Variants in ZCWPW1 observed in about 807,000 individuals in gnomAD.
ZCWPW1 encodes zinc finger CW-type and PWWP domain containing 1.
In ZCWPW1, 56 loss-of-function variants were observed where a neutral mutation model predicts 81.3. The ratio of observed to expected loss-of-function variants is 0.69; its 90% confidence interval spans 0.56 to 0.86. The LOEUF is 0.86. ZCWPW1 is among the 40% of genes least tolerant of loss of function. The pLI, the probability that ZCWPW1 is intolerant of heterozygous loss-of-function variation, is 0.00. For synonymous variants in ZCWPW1, 250 were observed against 273.7 expected (o/e 0.91, Z 0.86); for missense variants, 650 against 769.8 (o/e 0.84, Z 1.84).
intron 12 of ZCWPW1, 81 bp downstream of exon 12, chr7:100,406,612 CT>C: frequency 7.6e-7 from 1 of 1,323,914 alleles, no homozygotes; most frequent in Non-Finnish European, 1.1e-6. Flanking sequence ...CCCGACATGG[CT>C]TACCCTGGGA....
chr7:100,406,543 G>T (rs1280972080), intron 12 of ZCWPW1, 151 bp downstream of exon 12: 8 of 698,882 alleles, frequency 1.1e-5, no homozygotes, highest in Non-Finnish European at 1.9e-5. Context: ...CTGGGAGCAA[G>T]AAGAGTCCTT....
intron 8 of ZCWPW1, among the ~76,000 whole-genome samples, chr7:100,410,269 C>T (rs1311516176): frequency 6.6e-6 from 1 of 152,136 alleles, no homozygotes; most frequent in Non-Finnish European, 1.5e-5. Flanking sequence ...CAACAAAAGT[C>T]CACATATCCT....
At chr7:100,427,380 C>A (rs372884994) in intron 1 of ZCWPW1, among the ~76,000 whole-genome samples, 1 of 149,658 alleles carries the variant, frequency 6.7e-6, no homozygotes. Flanking sequence ...CTGGCCAATA[C>A]GGTGAAACCC....
intron 9 of ZCWPW1, among the ~76,000 whole-genome samples, 196 bp from the exon 10 acceptor site, chr7:100,408,855 G>A (rs949473686): frequency 6.7e-6 from 1 of 149,482 alleles, no homozygotes; most frequent in East Asian, 1.9e-4. Flanking sequence ...AAATGCAGCT[G>A]GAACCAGCTG....
intron 5 of ZCWPW1, 132 bp from the exon 6 acceptor site, chr7:100,417,315 A>G (rs963014140): frequency 9.9e-6 from 6 of 605,086 alleles, no homozygotes; most frequent in Non-Finnish European, 1.7e-5. Context: ...ACAGAACTTT[A>G]AATATTTAAA....
chr7:100,400,993 G>A lies in ZCWPW1; in HGVS notation c.*21C>T. 6.3e-7 allele frequency: 1 copy of A among 1,577,188 alleles called. No homozygotes were observed. Among genetic ancestry groups the A allele is most frequent in the Non-Finnish European group, 8.6e-7 (1 of 1,160,724 alleles). Reference sequence around the variant, plus strand: ...CTGCGCCCCAGAGAAGGGAGAAAAAGAGGGAGCAGAGGAGCACCAGCTACT... The same window carrying A: ...CTGCGCCCCAGAGAAGGGAGAAAAAAAGGGAGCAGAGGAGCACCAGCTACT... On this transcript the variant is annotated 3_prime_UTR_variant, in exon 18 of 18. Transcript: ENST00000684423.
chr7:100,426,245 G>A (rs1413052083), intron 1 of ZCWPW1, among the ~76,000 whole-genome samples: 2 of 152,186 alleles, frequency 1.3e-5, no homozygotes, highest in Admixed American at 6.5e-5. Flanking sequence ...TGTAATTCCA[G>A]CACTTTGGGA....
chr7:100,416,986 G>C (rs1340046949), intron 6 of ZCWPW1, 80 bp downstream of exon 6: 17 of 952,910 alleles, frequency 1.8e-5, no homozygotes, highest in Non-Finnish European at 2.8e-5. Flanking sequence ...TGACCAGATA[G>C]ACAGACAGAT....
chr7:100,414,982 G>A (rs969717085), intron 8 of ZCWPW1, among the ~76,000 whole-genome samples: 3 of 148,256 alleles, frequency 2.0e-5, no homozygotes, highest in Admixed American at 6.7e-5. Flanking sequence ...TGGAGATCGC[G>A]CCACCGCACT....
chr7:100,420,291 T>A lies in ZCWPW1; in HGVS notation c.28+331A>T, dbSNP rs1301024140. The stretch of plus-strand genomic sequence containing the variant: ...AAATCTATAAATTATTCACAGCTCT[T>A]ATGCCACCTCCTCAATAAAAATTAT... On this transcript the variant is annotated intron_variant, in intron 3 of 17. Coordinates refer to ENST00000684423, the MANE Select transcript of ZCWPW1 (RefSeq NM_001386010.1). Among the ~76,000 whole-genome samples, 5 of 152,328 alleles carry A rather than the reference T, an allele frequency of 3.3e-5. No homozygotes were observed. In the East Asian group the frequency reaches 5.8e-4, roughly 18 times the overall value.
chr7:100,420,163 T>C (rs1248745692), intron 3 of ZCWPW1, among the ~76,000 whole-genome samples: 1 of 152,230 alleles, frequency 6.6e-6, no homozygotes, highest in Non-Finnish European at 1.5e-5. Flanking sequence ...AATATAAGCA[T>C]GCAGGAAGCT....
chr7:100,416,778 C>G (rs1441244326), intron 6 of ZCWPW1, among the ~76,000 whole-genome samples: 1 of 152,014 alleles, frequency 6.6e-6, no homozygotes, highest in Admixed American at 6.6e-5. Flanking sequence ...AACCCCGTCT[C>G]TACTAAAAAG....
intron 2 of ZCWPW1, among the ~76,000 whole-genome samples, chr7:100,421,430 G>A (rs1024527801): frequency 6.6e-6 from 1 of 152,250 alleles, no homozygotes; most frequent in Non-Finnish European, 1.5e-5. Context: ...TCTGTGCATA[G>A]AGAAGCCCCA....
intron 9 of ZCWPW1, 104 bp downstream of exon 9, chr7:100,409,324 G>T: frequency 1.1e-6 from 1 of 899,278 alleles, no homozygotes; most frequent in Non-Finnish European, 1.8e-6. Context: ...CAAGGACACT[G>T]AGTGCTAACT....
chr7:100,417,283 G>A, intron 5 of ZCWPW1, 100 bp from the exon 6 acceptor site: 1 of 798,582 alleles, frequency 1.3e-6, no homozygotes, highest in South Asian at 1.7e-5. Flanking sequence ...CCTGTAGCCT[G>A]AAAGAGCCTA....
At chr7:100,417,610 C>A (rs914897228) in intron 5 of ZCWPW1, among the ~76,000 whole-genome samples, 1 of 151,382 alleles carries the variant, frequency 6.6e-6, no homozygotes, top group Non-Finnish European at 1.5e-5. Flanking sequence ...CCCAGCTTCT[C>A]GGGAGGCTGA....
intron 1 of ZCWPW1, among the ~76,000 whole-genome samples, 196 bp downstream of exon 1, chr7:100,428,372 C>T (rs779841581): frequency 2.6e-5 from 4 of 152,228 alleles, no homozygotes; most frequent in Admixed American, 6.5e-5. Flanking sequence ...GTAAATCCGC[C>T]ATCTTCCACC....
chr7:100,401,278 C>T lies in ZCWPW1; in HGVS notation c.1686G>A (p.Glu562=). The T allele has an allele frequency of 1.2e-6, 2 of 1,602,080 alleles. No homozygotes were observed. Among genetic ancestry groups the T allele is most frequent in the Non-Finnish European group, 1.7e-6 (2 of 1,173,240 alleles). ...TTGGCACTGTTCTAACTTCTTTTCC[C>T]TCTGAAAAGCTGGCTGCCAAGGCCT... The part of the protein sequence containing the change: ...QSKALAASFS[E]GKEVRTVPKN... The change falls in exon 18 of 18, where the codon GAG becomes GAA. Residue 562 remains glutamate, a synonymous_variant. Transcript: ENST00000684423.
chr7:100,404,244 C>G lies in ZCWPW1; in HGVS notation c.1255G>C (p.Glu419Gln). The G allele has an allele frequency of 6.2e-7, 1 of 1,614,062 alleles. No individual in the cohort carries two copies. ...CAGAAACCAAACAAGTTAACCCGTT[C>G]CTAAGGGAACCAAGAAACAAAAGCA... ...AQEAEQISIQ[E>Q]RVNLFGFWSR... Residue 419 changes from glutamate to glutamine, a missense_variant and splice_region_variant, in exon 14 of 18, where the codon GAA (glutamate) becomes CAA (glutamine). By Grantham distance (29) the Glu-to-Gln change is conservative. Coordinates refer to ENST00000684423, the MANE Select transcript of ZCWPW1 (RefSeq NM_001386010.1).
Sources: gnomAD v4.1 joint callset for allele counts (sites outside exome capture counted in the v4.1 genomes callset) on GRCh38, gnomAD v4.1.1 for gene constraint, MANE v1.5 for transcripts, NCBI Gene and HGNC (gene_info 2026-07-23, HGNC 2026-07-21) for gene names.